Variants in ABCA13 observed in about 807,000 individuals in gnomAD.
ABCA13 encodes ATP-binding cassette sub-family A member 13.
Under a neutral mutation model 478.7 loss-of-function variants are expected in ABCA13, and 476 were observed. The ratio of observed to expected loss-of-function variants is 0.99; its 90% CI spans 0.92 to 1.07. ABCA13 has a LOEUF of 1.07. Ranked by LOEUF, ABCA13 falls within the 50% of genes least tolerant of loss-of-function variation. ABCA13 has a pLI of 0.00. For missense variants in ABCA13, 6,060 were observed against 5,910.6 expected, an observed-to-expected ratio of 1.03 and a Z score of -0.83; for synonymous variants, 2,252 against 2,158.9, an observed-to-expected ratio of 1.04 and a Z score of -1.20.
At chr7:48,359,113 G>T (rs564734387) in intron 31 of ABCA13, among the ~76,000 whole-genome samples, 8 of 151,930 alleles carry the variant, frequency 5.3e-5, no homozygotes, top group Non-Finnish European at 1.2e-4. Context: ...ACTGCTGTCT[G>T]CCCAGTGCAT....
chr7:48,421,063 G>A (rs1438020059), intron 41 of ABCA13, among the ~76,000 whole-genome samples: 1 of 152,196 alleles, frequency 6.6e-6, no homozygotes, highest in East Asian at 1.9e-4. Flanking sequence ...GGGTGATGCT[G>A]TGTCCCACTG....
intron 42 of ABCA13, among the ~76,000 whole-genome samples, chr7:48,447,718 C>A (rs1186098759): frequency 6.6e-6 from 1 of 152,176 alleles, no homozygotes; most frequent in Non-Finnish European, 1.5e-5. Context: ...ATGCTGAATA[C>A]AATATTTGGT....
At chr7:48,291,585 C>T (rs972788786) in intron 20 of ABCA13, among the ~76,000 whole-genome samples, 3 of 152,140 alleles carry the variant, frequency 2.0e-5, no homozygotes, top group East Asian at 1.9e-4. Context: ...TCCTGCCATG[C>T]AATGTCCGCT....
intron 55 of ABCA13, among the ~76,000 whole-genome samples, chr7:48,546,930 T>G (rs1784868074): frequency 6.6e-6 from 1 of 151,758 alleles, no homozygotes; most frequent in African/African-American, 2.4e-5. Context: ...AACTAGCAAC[T>G]AGTTGACAAT....
intron 1 of ABCA13, among the ~76,000 whole-genome samples, chr7:48,183,022 A>G (rs925561804): frequency 1.3e-5 from 2 of 152,188 alleles, no homozygotes; most frequent in African/African-American, 4.8e-5. Context: ...GACACAATAG[A>G]ATTTCATGCT....
chr7:48,345,219 C>T (rs560733324), intron 29 of ABCA13, among the ~76,000 whole-genome samples: 15 of 152,264 alleles, frequency 9.9e-5, no homozygotes, highest in South Asian at 2.1e-4. Context: ...ATGTACAGCA[C>T]GTAATACTTG....
At chr7:48,546,513 T>C (rs1048539594) in intron 55 of ABCA13, among the ~76,000 whole-genome samples, 1 of 151,814 alleles carries the variant, frequency 6.6e-6, no homozygotes, top group Non-Finnish European at 1.5e-5. Flanking sequence ...TCTTGCGCTA[T>C]GATCGTGTGT....
intron 8 of ABCA13, among the ~76,000 whole-genome samples, chr7:48,235,592 T>G (rs1278196781): frequency 6.6e-6 from 1 of 152,232 alleles, no homozygotes; most frequent in African/African-American, 2.4e-5. Flanking sequence ...GGAGGTCAGA[T>G]GCCTGAAATG....
At chr7:48,376,698 A>G (rs772182093) in intron 35 of ABCA13, 126 bp downstream of exon 35, 111 of 1,139,058 alleles carry the variant, frequency 9.7e-5, no homozygotes, top group South Asian at 2.1e-4. Context: ...CTTAGGATAT[A>G]TATTTAAAAG....
intron 54 of ABCA13, 130 bp from the exon 55 acceptor site, chr7:48,528,106 C>T (rs573227481): frequency 5.7e-6 from 4 of 707,216 alleles, no homozygotes; most frequent in Admixed American, 4.7e-5. Flanking sequence ...ATAACACAAA[C>T]CAGCAAAGTC....
In ABCA13 at chr7:48,645,447, C is replaced by G. The variant is rs1463831596; in HGVS notation, c.15112C>G (p.Gln5038Glu). The G allele has an allele frequency of 2.5e-6, 4 of 1,583,200 alleles. No homozygotes were observed. Among genetic ancestry groups the G allele is most frequent in the Middle Eastern group, 1.7e-4 (1 of 6,028 alleles). Reference sequence around the variant, plus strand: ...TATTAATTTTGCTTCTGAGCAGCAGCAAACTCTACAATCTACTCTTGATCC... The same window carrying G: ...TATTAATTTTGCTTCTGAGCAGCAGGAAACTCTACAATCTACTCTTGATCC... ...VFINFASEQQ[Q>E]TLQSTLDPST... The change falls in exon 62 of 62, where the codon CAA becomes GAA. Residue 5038 changes from glutamine (Q) to glutamate (E), a missense_variant. Physicochemically the swap from Gln to Glu is conservative, Grantham distance 29. Coordinates refer to ENST00000435803, the MANE Select transcript of ABCA13 (RefSeq NM_152701.5).
At chr7:48,421,491 T>G (rs970749929) in intron 41 of ABCA13, among the ~76,000 whole-genome samples, 1 of 152,212 alleles carries the variant, frequency 6.6e-6, no homozygotes, top group Non-Finnish European at 1.5e-5. Flanking sequence ...ACTTTGAGGC[T>G]CATGTCATAC....
chr7:48,475,458 ATTTTTTT>A (rs398047655), intron 45 of ABCA13, among the ~76,000 whole-genome samples: 50 of 100,502 alleles, frequency 5.0e-4, no homozygotes, highest in Middle Eastern at 8.2e-3. Context: ...TGTCAATTTA[ATTTTTTT>A]TTTTTTTTTT....
intron 42 of ABCA13, among the ~76,000 whole-genome samples, chr7:48,432,966 T>C (rs60449227): frequency 0.036 from 5,528 of 152,126 alleles, 329 homozygotes; most frequent in African/African-American, 0.13. Context: ...AGATGAGTTT[T>C]CTCATCACAA....
intron 32 of ABCA13, among the ~76,000 whole-genome samples, chr7:48,369,494 T>C (rs558377809): frequency 1.3e-5 from 2 of 152,124 alleles, no homozygotes; most frequent in East Asian, 3.9e-4. Context: ...GTTTTTCTGA[T>C]GTTATTTTTC....
At chr7:48,511,260 A>C in intron 51 of ABCA13, 61 bp downstream of exon 51, 2 of 1,411,654 alleles carry the variant, frequency 1.4e-6, no homozygotes, top group Non-Finnish European at 2.0e-6. Flanking sequence ...GAAAACCCTC[A>C]GGATGGCTTT....
At chr7:48,342,690 C>G (rs1563086325) in intron 29 of ABCA13, among the ~76,000 whole-genome samples, 1 of 152,156 alleles carries the variant, frequency 6.6e-6, no homozygotes, top group East Asian at 1.9e-4. Context: ...CTGCTTTCCT[C>G]TGCAACTCTT....
chr7:48,393,943 T>C (rs1816451890), intron 38 of ABCA13, among the ~76,000 whole-genome samples: 1 of 152,202 alleles, frequency 6.6e-6, no homozygotes, highest in South Asian at 2.1e-4. Flanking sequence ...TGTCGGCTTC[T>C]TCTACCCTTT....
At chr7:48,478,543 A>G (rs1030965526) in intron 45 of ABCA13, among the ~76,000 whole-genome samples, 3 of 152,120 alleles carry the variant, frequency 2.0e-5, no homozygotes, top group Admixed American at 6.5e-5. Flanking sequence ...AGAAGTTTAT[A>G]TATCATCTCA....
Sources: gnomAD v4.1 joint callset for allele counts (sites outside exome capture counted in the v4.1 genomes callset) on GRCh38, gnomAD v4.1.1 for gene constraint, MANE v1.5 for transcripts, NCBI Gene and HGNC (gene_info 2026-07-23, HGNC 2026-07-21) for gene names.